EPHA6: variants seen among roughly 807,000 people sequenced by gnomAD.
EPHA6 encodes the protein ephrin type-A receptor 6.
Under a neutral mutation model 112.0 loss-of-function variants are expected in EPHA6, and 50 were observed. The ratio of observed to expected loss-of-function variants is 0.45; its 90% CI spans 0.36 to 0.56. The LOEUF (loss-of-function observed/expected upper bound fraction) is 0.56. EPHA6 is among the 20% of genes least tolerant of loss of function. EPHA6 has a pLI of 0.00. For synonymous variants in EPHA6, 529 were observed against 490.7 expected (o/e 1.08, Z -1.03); for missense variants, 1,280 against 1,417.4 (o/e 0.90, Z 1.56).
At chr3:97,505,049 T>C (rs998521598) in intron 10 of EPHA6, among the ~76,000 whole-genome samples, 6 of 152,142 alleles carry the variant, frequency 3.9e-5, no homozygotes, top group Non-Finnish European at 8.8e-5. Context: ...CAGAATTTTA[T>C]AGAGGAAGTT....
chr3:96,978,005 A>G (rs560463806), intron 2 of EPHA6, among the ~76,000 whole-genome samples: 1 of 152,126 alleles, frequency 6.6e-6, no homozygotes, highest in South Asian at 2.1e-4. Flanking sequence ...CCCAAAATAC[A>G]AAAAATTAGC....
intron 5 of EPHA6, among the ~76,000 whole-genome samples, chr3:97,350,518 ATTTAT>A (rs1307471867): frequency 6.6e-6 from 1 of 152,184 alleles, no homozygotes; most frequent in Non-Finnish European, 1.5e-5. Flanking sequence ...AATTAAAACT[ATTTAT>A]TTTAAGAGTT....
chr3:97,179,152 T>C (rs1353531102), intron 3 of EPHA6, among the ~76,000 whole-genome samples: 1 of 152,202 alleles, frequency 6.6e-6, no homozygotes, highest in East Asian at 1.9e-4. Flanking sequence ...TCCATTCTGC[T>C]ATTAAAGGAC....
At chr3:96,943,913 G>A (rs911834513) in intron 2 of EPHA6, among the ~76,000 whole-genome samples, 4 of 152,148 alleles carry the variant, frequency 2.6e-5, no homozygotes, top group African/African-American at 9.7e-5. Flanking sequence ...TTATTGAAAT[G>A]TAAGATGAGT....
chr3:97,050,966 G>A (rs1234290655), intron 3 of EPHA6, among the ~76,000 whole-genome samples: 1 of 152,122 alleles, frequency 6.6e-6, no homozygotes, highest in Non-Finnish European at 1.5e-5. Flanking sequence ...AATTTACTTA[G>A]TCCTGGTATG....
At chr3:97,544,971 T>G (rs534194469) in intron 11 of EPHA6, among the ~76,000 whole-genome samples, 6 of 152,348 alleles carry the variant, frequency 3.9e-5, no homozygotes, top group African/African-American at 1.4e-4. Flanking sequence ...TTTATTAGGC[T>G]TGCTAGTGGT....
intron 2 of EPHA6, among the ~76,000 whole-genome samples, chr3:96,925,001 G>A (rs543720491): frequency 6.6e-6 from 1 of 152,138 alleles, no homozygotes; most frequent in East Asian, 1.9e-4. Context: ...TAATTGTGGT[G>A]GATAATTGTT....
intron 3 of EPHA6, among the ~76,000 whole-genome samples, chr3:97,088,303 A>G (rs933276178): frequency 6.6e-6 from 1 of 152,188 alleles, no homozygotes; most frequent in Non-Finnish European, 1.5e-5. Context: ...TGTGACTGTA[A>G]TGTCCATACT....
At chr3:97,038,131 T>C (rs1323844583) in intron 3 of EPHA6, among the ~76,000 whole-genome samples, 2 of 152,098 alleles carry the variant, frequency 1.3e-5, no homozygotes, top group East Asian at 3.9e-4. Flanking sequence ...TCCTTCATGT[T>C]AAATATTTAT....
intron 3 of EPHA6, among the ~76,000 whole-genome samples, chr3:97,115,665 G>A (rs1559737797): frequency 6.6e-6 from 1 of 151,594 alleles, no homozygotes; most frequent in African/African-American, 2.4e-5. Flanking sequence ...AGAATAGAGA[G>A]AAAAAGAGTT....
intron 5 of EPHA6, among the ~76,000 whole-genome samples, chr3:97,358,167 T>C (rs772235114): frequency 1.2e-4 from 18 of 152,160 alleles, no homozygotes; most frequent in Admixed American, 3.3e-4. Context: ...ATTTCCTGCA[T>C]TATTTTCTTA....
intron 5 of EPHA6, among the ~76,000 whole-genome samples, chr3:97,380,315 C>T (rs546173443): frequency 9.2e-5 from 14 of 152,218 alleles, no homozygotes; most frequent in Admixed American, 3.9e-4. Flanking sequence ...GATCTATACT[C>T]GGGTAGAATA....
At chr3:97,704,476 A>G (rs1363097045) in intron 14 of EPHA6, among the ~76,000 whole-genome samples, 1 of 152,190 alleles carries the variant, frequency 6.6e-6, no homozygotes, top group African/African-American at 2.4e-5. Flanking sequence ...TTGTACCATC[A>G]GCTTTCCTGG....
chr3:97,053,809 C>G (rs2045763521), intron 3 of EPHA6, among the ~76,000 whole-genome samples: 1 of 152,038 alleles, frequency 6.6e-6, no homozygotes, highest in Non-Finnish European at 1.5e-5. Context: ...GCAAATTTAC[C>G]TTATAGCTGA....
chr3:97,272,333 T>C (rs2079913288), intron 5 of EPHA6, among the ~76,000 whole-genome samples: 1 of 143,902 alleles, frequency 6.9e-6, no homozygotes, highest in South Asian at 2.3e-4. Flanking sequence ...TGTGTGTGTG[T>C]ACATACATAT....
chr3:97,575,860 A>G (rs1180689539), intron 11 of EPHA6, among the ~76,000 whole-genome samples: 1 of 152,360 alleles, frequency 6.6e-6, no homozygotes, highest in East Asian at 1.9e-4. Flanking sequence ...GTAGACTTAT[A>G]TAAAGCTGTG....
chr3:97,746,750 T>C (rs2035731222), intron 16 of EPHA6, among the ~76,000 whole-genome samples: 1 of 151,920 alleles, frequency 6.6e-6, no homozygotes, highest in South Asian at 2.1e-4. Context: ...CAACCTAACA[T>C]TGATTTTGTG....
chr3:97,298,980 C>G (rs1409639735), intron 5 of EPHA6, among the ~76,000 whole-genome samples: 3 of 152,062 alleles, frequency 2.0e-5, no homozygotes, highest in African/African-American at 7.2e-5. Flanking sequence ...ATTTTTCCCA[C>G]TAGATTTTCT....
chr3:97,284,620 C>G (rs2080402917), intron 5 of EPHA6, among the ~76,000 whole-genome samples: 1 of 152,136 alleles, frequency 6.6e-6, no homozygotes, highest in Admixed American at 6.5e-5. Flanking sequence ...AGAGTACACT[C>G]ATTTCTAAAG....
Sources: allele counts gnomAD v4.1 joint callset (sites outside exome capture counted in the v4.1 genomes callset), GRCh38; gene constraint gnomAD v4.1.1; transcripts MANE v1.5; gene names NCBI Gene and HGNC (gene_info 2026-07-23, HGNC 2026-07-21).